TNFSF4: variants seen among roughly 807,000 people sequenced by gnomAD.
TNFSF4 encodes the protein TNF superfamily member 4.
TNFSF4 carries 4 observed loss-of-function variants against 7.3 expected under a neutral mutation model. That is an observed-to-expected ratio of 0.55 (90% CI 0.27 to 1.25). The LOEUF (loss-of-function observed/expected upper bound fraction) is 1.25. TNFSF4 is among the 50% of genes most tolerant of loss of function. The pLI, the probability that TNFSF4 is intolerant of heterozygous loss-of-function variation, is 0.12. For synonymous variants in TNFSF4, 76 were observed against 83.7 expected (o/e 0.91, Z 0.50); for missense variants, 181 against 208.8 (o/e 0.87, Z 0.82).
chr1:173,233,420 G>A, the TNFSF4 span, among the ~76,000 whole-genome samples: 1 of 152,166 alleles, frequency 6.6e-6, no homozygotes, highest in East Asian at 1.9e-4. Flanking sequence ...ATATTATCCA[G>A]GAGAACTTCC....
the TNFSF4 span, among the ~76,000 whole-genome samples, chr1:173,248,130 T>C: frequency 6.6e-6 from 1 of 151,978 alleles, no homozygotes; most frequent in Admixed American, 6.6e-5. Context: ...CCGAGGCATG[T>C]GGATCACGAG....
At chr1:173,363,030 T>G in the TNFSF4 span, 1 of 382,596 alleles carries the variant, frequency 2.6e-6, no homozygotes, top group Non-Finnish European at 5.2e-6. Context: ...CAATAATAAG[T>G]CTATTTGTTT....
upstream of TNFSF4, among the ~76,000 whole-genome samples, chr1:173,207,909 C>T (rs1175551730): frequency 3.9e-5 from 6 of 152,222 alleles, no homozygotes; most frequent in Admixed American, 1.3e-4. Context: ...ATCTTTCTCT[C>T]ATTTAACCCT....
chr1:173,364,233 A>ATATATATATT, the TNFSF4 span, among the ~76,000 whole-genome samples: 2 of 149,514 alleles, frequency 1.3e-5, no homozygotes, highest in African/African-American at 4.9e-5. Context: ...AGGTATATAT[A>ATATATATATT]TATATATATG....
chr1:173,381,972 A>G, the TNFSF4 span, among the ~76,000 whole-genome samples: 1 of 152,194 alleles, frequency 6.6e-6, no homozygotes, highest in Admixed American at 6.5e-5. Flanking sequence ...TGGACCAATC[A>G]GCAGGACGTG....
chr1:173,233,095 A>G, the TNFSF4 span, among the ~76,000 whole-genome samples: 3 of 152,322 alleles, frequency 2.0e-5, no homozygotes, highest in African/African-American at 7.2e-5. Flanking sequence ...AAGATTGGAC[A>G]AATGGCTAAC....
chr1:173,311,833 C>G, the TNFSF4 span, among the ~76,000 whole-genome samples: 1 of 152,054 alleles, frequency 6.6e-6, no homozygotes, highest in African/African-American at 2.4e-5. Flanking sequence ...CAATAAAATG[C>G]GGATTTGGAG....
chr1:173,273,597 T>C, the TNFSF4 span, among the ~76,000 whole-genome samples: 2 of 152,130 alleles, frequency 1.3e-5, no homozygotes, highest in African/African-American at 4.8e-5. Context: ...TGTAGATGAT[T>C]AGATCGTCAT....
the TNFSF4 span, among the ~76,000 whole-genome samples, chr1:173,316,875 C>A: frequency 6.6e-6 from 1 of 152,134 alleles, no homozygotes; most frequent in Non-Finnish European, 1.5e-5. Flanking sequence ...CCATGTTTTC[C>A]TCTAAAAGCT....
At chr1:173,380,202 A>G in the TNFSF4 span, among the ~76,000 whole-genome samples, 1 of 152,106 alleles carries the variant, frequency 6.6e-6, no homozygotes, top group African/African-American at 2.4e-5. Flanking sequence ...TGCTCTTTTC[A>G]CATGCATTTC....
upstream of TNFSF4, among the ~76,000 whole-genome samples, chr1:173,208,870 A>G (rs527251741): frequency 2.0e-5 from 3 of 152,190 alleles, no homozygotes; most frequent in South Asian, 6.2e-4. Context: ...AAAGCCATAA[A>G]TACTATTGGA....
the TNFSF4 span, among the ~76,000 whole-genome samples, chr1:173,390,274 C>T: frequency 6.6e-6 from 1 of 152,150 alleles, no homozygotes; most frequent in East Asian, 1.9e-4. Flanking sequence ...TCCCTGTTCA[C>T]TACTGTTGCT....
chr1:173,369,878 T>G, the TNFSF4 span, among the ~76,000 whole-genome samples: 1 of 152,100 alleles, frequency 6.6e-6, no homozygotes, highest in Admixed American at 6.6e-5. Context: ...ATGCAAAGCT[T>G]GCAATTTACA....
the TNFSF4 span, among the ~76,000 whole-genome samples, chr1:173,334,587 A>G: frequency 1.3e-5 from 2 of 152,222 alleles, no homozygotes; most frequent in Non-Finnish European, 2.9e-5. Context: ...TTTCAGGCCT[A>G]TAGGCTGTCT....
chr1:173,181,806 A>G (rs565204449), downstream of TNFSF4, among the ~76,000 whole-genome samples: 35 of 152,342 alleles, frequency 2.3e-4, 1 homozygote, highest in East Asian at 6.4e-3. Flanking sequence ...TGACATTTAC[A>G]TTTTAACAAC....
At chr1:173,379,628 T>A in the TNFSF4 span, among the ~76,000 whole-genome samples, 1 of 152,178 alleles carries the variant, frequency 6.6e-6, no homozygotes, top group African/African-American at 2.4e-5. Context: ...TTATTAAACC[T>A]GGCAACCTCA....
chr1:173,433,540 C>CA, the TNFSF4 span, among the ~76,000 whole-genome samples: 46,642 of 141,036 alleles, frequency 0.33, 7,602 homozygotes, highest in East Asian at 0.6. Flanking sequence ...ACAAAAAATA[C>CA]AAAAAAAAAA....
At chr1:173,296,294 A>C in the TNFSF4 span, among the ~76,000 whole-genome samples, 1 of 152,072 alleles carries the variant, frequency 6.6e-6, no homozygotes, top group South Asian at 2.1e-4. Flanking sequence ...ATGTCTCATT[A>C]CGTGAATTTC....
chr1:173,375,403 G>A, the TNFSF4 span, among the ~76,000 whole-genome samples: 3 of 152,316 alleles, frequency 2.0e-5, no homozygotes, highest in East Asian at 3.9e-4. Context: ...CAGTTGGGGT[G>A]TCCTGTTTAG....
Sources: gnomAD v4.1 joint callset for allele counts (sites outside exome capture counted in the v4.1 genomes callset) on GRCh38, gnomAD v4.1.1 for gene constraint, MANE v1.5 for transcripts, NCBI Gene and HGNC (gene_info 2026-07-23, HGNC 2026-07-21) for gene names.